The following RNF180 variants were observed in gnomAD, a reference collection of about 807,000 sequenced individuals.
RNF180 encodes the protein E3 ubiquitin-protein ligase RNF180.
In RNF180, 38 loss-of-function variants were observed where a neutral mutation model predicts 59.2. The observed-to-expected ratio is 0.64, with a 90% confidence interval of 0.50 to 0.84. The LOEUF (loss-of-function observed/expected upper bound fraction) is 0.84, where lower values mean the gene tolerates loss of function less well. RNF180 is among the 40% of genes least tolerant of loss of function. The probability of loss-of-function intolerance (pLI) is 0.00; values close to 1 mark genes in which losing one functional copy is unlikely to be tolerated. For missense variants in RNF180, 705 were observed against 700.9 expected, an observed-to-expected ratio of 1.01 and a Z score of -0.07; for synonymous variants, 262 against 240.3, an observed-to-expected ratio of 1.09 and a Z score of -0.84.
In RNF180 at chr5:64,234,578, C is replaced by CT. The variant is rs1171637074; in HGVS notation, c.1227+17221dup. ...GCTTTCCAAATGGCAGTTACCCGTT[C>CT]TTTTTTTTTTTTTTTTTTTTTTTTT... On this transcript the variant is annotated intron_variant, in intron 5 of 7. Coordinates refer to ENST00000389100, the MANE Select transcript of RNF180 (RefSeq NM_001113561.2). Among the ~76,000 whole-genome samples, 364 of 48,520 alleles carry CT rather than the reference C, an allele frequency of 7.5e-3. 143 individuals are homozygous for CT. The highest frequency in any genetic ancestry group is 0.011 in the Non-Finnish European group (284 of 26,116). 31.8% of individuals were successfully genotyped at this position (48,520 alleles called of 152,430 possible).
At chr5:64,331,509 G>A (rs542187703) in intron 7 of RNF180, among the ~76,000 whole-genome samples, 40 of 152,232 alleles carry the variant, frequency 2.6e-4, no homozygotes, top group African/African-American at 9.4e-4. Context: ...CTGACAATAT[G>A]ACCTGTGAGT....
intron 5 of RNF180, among the ~76,000 whole-genome samples, chr5:64,244,182 C>G (rs1435009841): frequency 6.6e-6 from 1 of 152,158 alleles, no homozygotes; most frequent in Non-Finnish European, 1.5e-5. Context: ...AATGCCTCTT[C>G]TCCTCCAAAG....
intron 2 of RNF180, among the ~76,000 whole-genome samples, chr5:64,210,349 G>T (rs1399667982): frequency 6.6e-6 from 1 of 152,108 alleles, no homozygotes; most frequent in Non-Finnish European, 1.5e-5. Context: ...GGACTTACCA[G>T]AGTGTTGATA....
chr5:64,166,888 G>C (rs776141540), intron 1 of RNF180, among the ~76,000 whole-genome samples: 1 of 152,156 alleles, frequency 6.6e-6, no homozygotes, highest in Non-Finnish European at 1.5e-5. Flanking sequence ...TCTCAAAGAT[G>C]GACGGTCTGA....
At chr5:64,246,597 T>G (rs1743182816) in intron 5 of RNF180, among the ~76,000 whole-genome samples, 1 of 152,026 alleles carries the variant, frequency 6.6e-6, no homozygotes, top group Non-Finnish European at 1.5e-5. Flanking sequence ...AATAACAAGT[T>G]CTGAAATTGA....
At chr5:64,253,218 T>C (rs1743699828) in intron 5 of RNF180, among the ~76,000 whole-genome samples, 1 of 152,184 alleles carries the variant, frequency 6.6e-6, no homozygotes, top group Admixed American at 6.6e-5. Context: ...GACTTAAACA[T>C]TTATGAAGCT....
chr5:64,234,065 C>T (rs575976706), intron 5 of RNF180, among the ~76,000 whole-genome samples: 1 of 152,314 alleles, frequency 6.6e-6, no homozygotes, highest in South Asian at 2.1e-4. Flanking sequence ...GCTGTATGCT[C>T]TTGTGCAACA....
In RNF180 at chr5:64,325,254, T is replaced by C. The variant is rs1561262289; in HGVS notation, c.1296T>C (p.Cys432=). Residue 432 remains cysteine, a synonymous_variant, in exon 6 of 8, where the codon TGT becomes TGC. Transcript: ENST00000389100. ...CAGAAGAAAAGGATAGCTACATCTG[T>C]GCAGTGTGTCTGGACGTTTATTTCA... ...EYAEEKDSYI[C]AVCLDVYFNP... is the part of the protein sequence containing the mutation. The C allele has an allele frequency of 1.3e-6, 2 of 1,551,594 alleles. No individual in the cohort carries two copies. The highest frequency in any genetic ancestry group is 1.4e-5 in the African/African-American group (1 of 73,186).
At chr5:64,173,808 C>T (rs191632700) in intron 1 of RNF180, among the ~76,000 whole-genome samples, 163 of 151,816 alleles carry the variant, frequency 1.1e-3, no homozygotes, top group African/African-American at 3.7e-3. Flanking sequence ...CTCTGCCTCC[C>T]GGGTTCAAGT....
chr5:64,274,998 G>A (rs1468605751), intron 5 of RNF180, among the ~76,000 whole-genome samples: 1 of 151,886 alleles, frequency 6.6e-6, no homozygotes, highest in Non-Finnish European at 1.5e-5. Flanking sequence ...TGATATGGAA[G>A]TTAGCATATG....
At chr5:64,312,550 C>T (rs1290535545) in intron 5 of RNF180, among the ~76,000 whole-genome samples, 1 of 152,084 alleles carries the variant, frequency 6.6e-6, no homozygotes, top group Non-Finnish European at 1.5e-5. Context: ...AGACATTTAG[C>T]ATCAAAAACT....
intron 7 of RNF180, among the ~76,000 whole-genome samples, chr5:64,352,151 A>C (rs1052965761): frequency 6.6e-6 from 1 of 152,028 alleles, no homozygotes; most frequent in Non-Finnish European, 1.5e-5. Flanking sequence ...GTGTTGAGGA[A>C]TTTACCCATT....
chr5:64,247,710 A>C (rs113173578), intron 5 of RNF180, among the ~76,000 whole-genome samples: 3 of 152,212 alleles, frequency 2.0e-5, no homozygotes, highest in Non-Finnish European at 4.4e-5. Context: ...ATTCAATGCT[A>C]TCCTCATCAA....
chr5:64,293,076 G>A (rs544262526), intron 5 of RNF180, among the ~76,000 whole-genome samples: 1 of 152,318 alleles, frequency 6.6e-6, no homozygotes, highest in South Asian at 2.1e-4. Flanking sequence ...TGTTGCGCTG[G>A]GTTGGCTGGA....
chr5:64,293,348 G>A (rs1742709909), intron 5 of RNF180, among the ~76,000 whole-genome samples: 2 of 152,090 alleles, frequency 1.3e-5, no homozygotes, highest in South Asian at 4.2e-4. Flanking sequence ...TCAGTTGAAG[G>A]TGAAGAATTC....
At chr5:64,235,163 G>A (rs1742359488) in intron 5 of RNF180, among the ~76,000 whole-genome samples, 1 of 152,098 alleles carries the variant, frequency 6.6e-6, no homozygotes, top group South Asian at 2.1e-4. Context: ...CTGCACTGTA[G>A]TCCCAGCTAC....
chr5:64,346,297 T>G (rs868301211), intron 7 of RNF180, among the ~76,000 whole-genome samples: 14 of 115,666 alleles, frequency 1.2e-4, no homozygotes, highest in Middle Eastern at 5.5e-3. Context: ...GTTTGGTTTG[T>G]TTTTTTTTGA....
chr5:64,192,469 C>A (rs778648107), intron 1 of RNF180, among the ~76,000 whole-genome samples: 6 of 151,886 alleles, frequency 4.0e-5, no homozygotes, highest in Non-Finnish European at 7.4e-5. Context: ...GTCAGGAGTT[C>A]GAAGTCAGCT....
chr5:64,352,585 G>C (rs1320629797), intron 7 of RNF180, among the ~76,000 whole-genome samples: 1 of 152,026 alleles, frequency 6.6e-6, no homozygotes, highest in Admixed American at 6.6e-5. Context: ...GTGTCCCAGA[G>C]ATTCTGGTAT....
Sources: gnomAD v4.1 joint callset for allele counts (sites outside exome capture counted in the v4.1 genomes callset) on GRCh38, gnomAD v4.1.1 for gene constraint, MANE v1.5 for transcripts, NCBI Gene and HGNC (gene_info 2026-07-23, HGNC 2026-07-21) for gene names.